Variants in CSMD1 observed in about 807,000 individuals in gnomAD.
CSMD1 encodes CUB and sushi domain-containing protein 1.
In CSMD1, 213 loss-of-function variants were observed where a neutral mutation model predicts 417.5. The ratio of observed to expected loss-of-function variants is 0.51; its 90% CI spans 0.46 to 0.57. The LOEUF (loss-of-function observed/expected upper bound fraction) is 0.57, where lower values mean the gene tolerates loss of function less well. Among genes scored for constraint, CSMD1 ranks in the 20% least tolerant of loss-of-function variants. The pLI, the probability that CSMD1 is intolerant of heterozygous loss-of-function variation, is 0.00. For synonymous variants in CSMD1, 2,862 were observed against 1,736.8 expected, an observed-to-expected ratio of 1.65 and a Z score of -16.11; for missense variants, 6,923 against 4,529.7, an observed-to-expected ratio of 1.53 and a Z score of -15.17.
At chr8:3,799,425 T>G (rs796870565) in intron 5 of CSMD1, among the ~76,000 whole-genome samples, 1 of 116,558 alleles carries the variant, frequency 8.6e-6, no homozygotes, top group African/African-American at 3.3e-5. Flanking sequence ...GGCCTTAGTG[T>G]GTGATGTTCC....
At chr8:3,869,530 C>A (rs1480213064) in intron 5 of CSMD1, among the ~76,000 whole-genome samples, 2 of 152,264 alleles carry the variant, frequency 1.3e-5, no homozygotes, top group African/African-American at 4.8e-5. Context: ...AATATTTTAT[C>A]ATTTCTTCCT....
chr8:4,573,085 T>A (rs2130663869), intron 2 of CSMD1, among the ~76,000 whole-genome samples: 1 of 152,192 alleles, frequency 6.6e-6, no homozygotes, highest in East Asian at 1.9e-4. Flanking sequence ...CTCAGAGGAG[T>A]TTGTTATTAC....
intron 2 of CSMD1, among the ~76,000 whole-genome samples, chr8:4,586,534 A>C (rs1799708691): frequency 6.6e-6 from 1 of 152,204 alleles, no homozygotes; most frequent in African/African-American, 2.4e-5. Flanking sequence ...TTTTCCAGGA[A>C]AAATCAATGT....
intron 3 of CSMD1, among the ~76,000 whole-genome samples, chr8:4,411,026 T>G (rs1396201968): frequency 6.6e-6 from 1 of 152,176 alleles, no homozygotes; most frequent in Admixed American, 6.5e-5. Context: ...CATTCATGCT[T>G]CCCGTTTTGC....
chr8:3,029,482 G>C lies in CSMD1; in HGVS notation c.7692C>G (p.Leu2564=), dbSNP rs1810190004. The change falls in exon 51 of 70, where the codon CTC becomes CTG. Residue 2564 remains leucine, a synonymous_variant. Transcript: ENST00000635120. ...PVACPSIEAQ[L]SEHVIWRLVS... is the part of the protein sequence containing the mutation. ...CCAGCCTCCAGATGACATGTTCTGAGAGCTGAGCTTCAATGCTGGGGCAAG... is the reference window on the plus strand; with the variant it reads ...CCAGCCTCCAGATGACATGTTCTGACAGCTGAGCTTCAATGCTGGGGCAAG... 6.2e-7 allele frequency: 1 copy of C among 1,603,904 alleles called. No individual in the cohort carries two copies. The highest frequency in any genetic ancestry group is 1.1e-5 in the South Asian group (1 of 89,186).
At chr8:3,273,561 C>G (rs1185312122) in intron 26 of CSMD1, among the ~76,000 whole-genome samples, 1 of 152,148 alleles carries the variant, frequency 6.6e-6, no homozygotes, top group African/African-American at 2.4e-5. Context: ...CCATCTGGTC[C>G]TGCACTCTTT....
rs183621226 is a variant in CSMD1 at position 3,377,744 on chromosome 8, A to C, written c.2783-8374T>G. ...TGGCTACTTTGGGAAATCCTACCCA[A>C]AACGGAAACACCAGGTTAAGGGCTG... On this transcript the variant is annotated intron_variant, in intron 18 of 69. Transcript: ENST00000635120. Among the ~76,000 whole-genome samples the C allele has an allele frequency of 1.4e-3, 219 of 152,114 alleles. 1 individual carries two copies. The highest frequency in any genetic ancestry group is 2.0e-3 in the Non-Finnish European group (137 of 68,028).
rs1169397380 is a variant in CSMD1 at position 4,430,767 on chromosome 8, A to T, written c.303-10702T>A. On this transcript the variant is annotated intron_variant, in intron 2 of 69. Transcript: ENST00000635120. ...ATCCACATAATGTATGTTTATGACA[A>T]TCAAACCATTTACAAATGACATTAA... Among the ~76,000 whole-genome samples the T allele has an allele frequency of 2.6e-5, 4 of 152,178 alleles. No individual in the cohort carries two copies. In the East Asian group the frequency reaches 7.7e-4, roughly 29 times the overall value.
chr8:3,908,651 G>C (rs544926763), intron 5 of CSMD1, among the ~76,000 whole-genome samples: 1 of 152,030 alleles, frequency 6.6e-6, no homozygotes, highest in Non-Finnish European at 1.5e-5. Context: ...TTTTGTAATT[G>C]CTCTGCAGGG....
chr8:2,994,901 C>G (rs978054669), intron 54 of CSMD1, among the ~76,000 whole-genome samples: 5 of 152,090 alleles, frequency 3.3e-5, no homozygotes, highest in South Asian at 2.1e-4. Context: ...AAATCTCAGA[C>G]TTTATACAAA....
chr8:4,729,296 T>C (rs771407210), intron 1 of CSMD1, among the ~76,000 whole-genome samples: 1 of 151,986 alleles, frequency 6.6e-6, no homozygotes, highest in Non-Finnish European at 1.5e-5. Context: ...GGAAATGCAG[T>C]CATCGATGAT....
At chr8:4,962,090 C>T (rs533823483) in intron 1 of CSMD1, among the ~76,000 whole-genome samples, 24 of 138,764 alleles carry the variant, frequency 1.7e-4, no homozygotes, top group African/African-American at 5.4e-4. Context: ...TTTTGTCATG[C>T]ATGTAAGTAT....
At chr8:3,831,956 G>T (rs779478452) in intron 5 of CSMD1, among the ~76,000 whole-genome samples, 2 of 152,148 alleles carry the variant, frequency 1.3e-5, no homozygotes, top group African/African-American at 2.4e-5. Flanking sequence ...TTTGCAGAGT[G>T]TATTAGGTTT....
At chr8:3,280,298 C>G (rs1000883602) in intron 26 of CSMD1, among the ~76,000 whole-genome samples, 3 of 152,194 alleles carry the variant, frequency 2.0e-5, no homozygotes, top group African/African-American at 7.2e-5. Flanking sequence ...GAAATTGATA[C>G]TCTATCCTCA....
chr8:3,775,779 C>G (rs543579490), intron 5 of CSMD1, among the ~76,000 whole-genome samples: 2 of 152,166 alleles, frequency 1.3e-5, no homozygotes, highest in South Asian at 4.1e-4. Context: ...ACAAAAGGTC[C>G]ACGAAGCATT....
At chr8:4,434,728 C>A (rs1215557331) in intron 2 of CSMD1, among the ~76,000 whole-genome samples, 5 of 152,126 alleles carry the variant, frequency 3.3e-5, no homozygotes, top group Admixed American at 2.0e-4. Context: ...CAGTGCTCAT[C>A]CGGTGATTTT....
intron 37 of CSMD1, among the ~76,000 whole-genome samples, chr8:3,179,016 T>G (rs374494630): frequency 6.6e-6 from 1 of 151,328 alleles, no homozygotes; most frequent in South Asian, 2.1e-4. Flanking sequence ...GGCGCGATCT[T>G]GGCTCACTGC....
chr8:3,654,429 G>C (rs762808308), intron 7 of CSMD1, among the ~76,000 whole-genome samples: 12 of 152,138 alleles, frequency 7.9e-5, no homozygotes, highest in Non-Finnish European at 1.6e-4. Context: ...CCACATGCCT[G>C]TGCACATAGG....
intron 2 of CSMD1, among the ~76,000 whole-genome samples, chr8:4,453,672 C>T (rs975523377): frequency 2.6e-5 from 4 of 152,036 alleles, no homozygotes; most frequent in Non-Finnish European, 5.9e-5. Flanking sequence ...CTGCAGGTCC[C>T]GCAGTCTACA....
Sources: allele counts gnomAD v4.1 joint callset (sites outside exome capture counted in the v4.1 genomes callset), GRCh38; gene constraint gnomAD v4.1.1; transcripts MANE v1.5; gene names NCBI Gene and HGNC (gene_info 2026-07-23, HGNC 2026-07-21).